Variants in STRN observed in about 807,000 individuals in gnomAD.
The protein encoded by STRN is striatin, also known as protein phosphatase 2 regulatory subunit B'''alpha.
In STRN, 53 loss-of-function variants were observed where a neutral mutation model predicts 96.3. The observed-to-expected ratio is 0.55, with a 90% CI of 0.44 to 0.69. The LOEUF (loss-of-function observed/expected upper bound fraction) is 0.69, where lower values mean the gene tolerates loss of function less well. Among genes scored for constraint, STRN ranks in the 30% least tolerant of loss-of-function variants. The pLI, the probability that STRN is intolerant of heterozygous loss-of-function variation, is 0.00. For missense variants in STRN, 987 were observed against 963.9 expected, an observed-to-expected ratio of 1.02 and a Z score of -0.32; for synonymous variants, 428 against 355.9, an observed-to-expected ratio of 1.20 and a Z score of -2.28.
chr2:36,939,171 T>C (rs949106175), intron 1 of STRN, among the ~76,000 whole-genome samples: 17 of 152,102 alleles, frequency 1.1e-4, no homozygotes, highest in African/African-American at 3.6e-4. Flanking sequence ...GACCTCGTGA[T>C]CCGCCCGCCT....
At chr2:36,858,923 T>C (rs1668413665) in intron 13 of STRN, among the ~76,000 whole-genome samples, 1 of 152,138 alleles carries the variant, frequency 6.6e-6, no homozygotes, top group African/African-American at 2.4e-5. Flanking sequence ...AGTGAGAACT[T>C]GGAGAGTGAA....
At chr2:36,892,077 C>A (rs1669415931) in intron 7 of STRN, among the ~76,000 whole-genome samples, 1 of 152,162 alleles carries the variant, frequency 6.6e-6, no homozygotes, top group Non-Finnish European at 1.5e-5. Context: ...AGAATTAATA[C>A]CTGTGTCCCA....
At chr2:36,908,532 G>A (rs552051432) in intron 3 of STRN, among the ~76,000 whole-genome samples, 156 of 152,228 alleles carry the variant, frequency 1.0e-3, no homozygotes, top group Non-Finnish European at 6.3e-4. Context: ...ATTAGCGTAC[G>A]GAGGGAGAGA....
intron 11 of STRN, among the ~76,000 whole-genome samples, chr2:36,868,698 C>T (rs563356954): frequency 1.3e-5 from 2 of 152,284 alleles, no homozygotes; most frequent in East Asian, 3.9e-4. Context: ...AGTATTTCAT[C>T]TACCCTATGT....
chr2:36,881,721 G>A (rs1181069533), intron 9 of STRN, among the ~76,000 whole-genome samples: 2 of 152,096 alleles, frequency 1.3e-5, no homozygotes, highest in Non-Finnish European at 2.9e-5. Context: ...CTTACATAAT[G>A]CTTTTGTACA....
At chr2:36,943,978 G>C (rs1670914811) in intron 1 of STRN, among the ~76,000 whole-genome samples, 1 of 151,954 alleles carries the variant, frequency 6.6e-6, no homozygotes, top group East Asian at 1.9e-4. Context: ...AAATTAGCTG[G>C]ACGTGGTGGC....
In STRN at chr2:36,869,742, C is replaced by A; in HGVS notation, c.1324-13G>T. The A allele has an allele frequency of 1.3e-6, 2 of 1,557,166 alleles. No individual in the cohort carries two copies. The highest frequency in any genetic ancestry group is 1.2e-5 in the South Asian group (1 of 80,846). ...TATTGTTTGCTATCTATTAAAGAAA[C>A]AAAACAAAGATATCTACACACTTAG... On this transcript the variant is annotated splice_polypyrimidine_tract_variant and intron_variant, in intron 10 of 17. Transcript: ENST00000263918.
intron 2 of STRN, among the ~76,000 whole-genome samples, chr2:36,924,122 C>T (rs745909788): frequency 1.3e-5 from 2 of 151,952 alleles, no homozygotes; most frequent in Non-Finnish European, 2.9e-5. Context: ...TTTGGGAGGC[C>T]GAGACGGGGG....
intron 1 of STRN, among the ~76,000 whole-genome samples, chr2:36,928,889 A>G (rs1289540364): frequency 6.6e-6 from 1 of 150,674 alleles, no homozygotes; most frequent in East Asian, 2.0e-4. Flanking sequence ...CAGAGGCTGC[A>G]GTGAGCCGAG....
intron 12 of STRN, among the ~76,000 whole-genome samples, chr2:36,862,918 G>T (rs1167373087): frequency 6.6e-6 from 1 of 152,126 alleles, no homozygotes; most frequent in African/African-American, 2.4e-5. Flanking sequence ...TGTATTTTTA[G>T]TAGAGACGCG....
At chr2:36,926,835 G>A (rs1199623252) in intron 1 of STRN, among the ~76,000 whole-genome samples, 1 of 152,138 alleles carries the variant, frequency 6.6e-6, no homozygotes, top group Non-Finnish European at 1.5e-5. Context: ...ATATTCTGCA[G>A]TGGGATAATT....
rs1405397765 is a variant in STRN, at chr2:36,839,758, A to G, written c.*9698T>C. Among the ~76,000 whole-genome samples, 2 of 152,180 alleles carry G rather than the reference A, an allele frequency of 1.3e-5. No homozygotes were observed. The highest frequency in any genetic ancestry group is 2.4e-5 in the African/African-American group (1 of 41,454). ...ATTTTAATGACAGTTCTTACATGGT[A>G]TATGTTTAATGTTGAGATTATTCGT... On this transcript the variant is annotated 3_prime_UTR_variant, in exon 18 of 18. Coordinates refer to ENST00000263918, the MANE Select transcript of STRN (RefSeq NM_003162.4).
chr2:36,966,377 C>T lies in STRN; in HGVS notation c.87G>A (p.Glu29=). ...GGAKGLGPLA[E]AAAAGDGAAA... Reference sequence around the variant, plus strand: ...CCGCCCCGTCGCCGGCCGCGGCAGCCTCCGCCAGAGGCCCGAGCCCCTTGG... The same window carrying T: ...CCGCCCCGTCGCCGGCCGCGGCAGCTTCCGCCAGAGGCCCGAGCCCCTTGG... Residue 29 remains glutamate, a synonymous_variant, in exon 1 of 18, where the codon GAG becomes GAA. Transcript: ENST00000263918. 1.4e-6 allele frequency: 2 copies of T among 1,465,266 alleles called. No individual in the cohort carries two copies. The highest frequency in any genetic ancestry group is 1.8e-6 in the Non-Finnish European group (2 of 1,110,664). The allele number at this position is 1,465,266 out of a possible 1,614,324, so 90.8% of individuals were successfully genotyped here. A position where few individuals can be genotyped will look rare whatever the true frequency, so the allele number is the denominator to read the frequency against.
intron 3 of STRN, among the ~76,000 whole-genome samples, chr2:36,909,822 A>G (rs917902267): frequency 1.3e-5 from 2 of 152,192 alleles, no homozygotes; most frequent in East Asian, 3.8e-4. Flanking sequence ...ACACAGAGGA[A>G]CAAAAATAAG....
intron 16 of STRN, among the ~76,000 whole-genome samples, chr2:36,850,248 A>G (rs1668187438): frequency 6.6e-6 from 1 of 152,218 alleles, no homozygotes; most frequent in Non-Finnish European, 1.5e-5. Context: ...CAACATACAG[A>G]AAAAAATTTT....
chr2:36,924,286 G>A (rs540585070), intron 2 of STRN, among the ~76,000 whole-genome samples: 83 of 151,164 alleles, frequency 5.5e-4, no homozygotes, highest in Non-Finnish European at 1.1e-3. Flanking sequence ...AACCCGGGAG[G>A]TGGAGCTTGC....
intron 10 of STRN, among the ~76,000 whole-genome samples, chr2:36,870,585 C>A (rs1668738357): frequency 6.6e-6 from 1 of 152,146 alleles, no homozygotes; most frequent in African/African-American, 2.4e-5. Context: ...TAGCACAATA[C>A]ATTACTCACA....
intron 10 of STRN, among the ~76,000 whole-genome samples, chr2:36,876,591 G>A (rs763078372): frequency 7.2e-5 from 11 of 152,116 alleles, no homozygotes; most frequent in South Asian, 2.1e-4. Context: ...CCCCTGCATG[G>A]TACCTGTGCT....
At chr2:36,856,611 G>A (rs1000762701) in intron 14 of STRN, among the ~76,000 whole-genome samples, 2 of 152,132 alleles carry the variant, frequency 1.3e-5, no homozygotes, top group African/African-American at 4.8e-5. Context: ...CACAACAGTG[G>A]GTACCTCTGG....
Sources: allele counts gnomAD v4.1 joint callset (sites outside exome capture counted in the v4.1 genomes callset), GRCh38; gene constraint gnomAD v4.1.1; transcripts MANE v1.5; gene names NCBI Gene and HGNC (gene_info 2026-07-23, HGNC 2026-07-21).